Variants in KCNG3 observed in about 807,000 individuals in gnomAD.
KCNG3 encodes the protein voltage-gated potassium channel regulatory subunit KCNG3.
In KCNG3, 15 loss-of-function variants were observed where a neutral mutation model predicts 29.0. The observed-to-expected ratio is 0.52, with a 90% CI of 0.35 to 0.80. The LOEUF (loss-of-function observed/expected upper bound fraction) is 0.80, where lower values mean the gene tolerates loss of function less well. Ranked by LOEUF, KCNG3 falls within the 30% of genes least tolerant of loss-of-function variation. The probability of loss-of-function intolerance (pLI) is 0.01; values close to 1 mark genes in which losing one functional copy is unlikely to be tolerated. For synonymous variants in KCNG3, 322 were observed against 248.9 expected, an observed-to-expected ratio of 1.29 and a Z score of -2.76; for missense variants, 512 against 605.7, an observed-to-expected ratio of 0.85 and a Z score of 1.62.
chr2:42,433,033 ACAAC>A, the KCNG3 span, among the ~76,000 whole-genome samples: 3 of 152,104 alleles, frequency 2.0e-5, no homozygotes, highest in African/African-American at 7.2e-5. Context: ...GGAAAAACCC[ACAAC>A]TAACATCATA....
intron 1 of KCNG3, among the ~76,000 whole-genome samples, chr2:42,446,864 G>C (rs1189833406): frequency 1.3e-5 from 2 of 152,048 alleles, no homozygotes; most frequent in Non-Finnish European, 2.9e-5. Flanking sequence ...TCTCAGGCCA[G>C]GCATGGTGGC....
At chr2:42,465,908 C>G (rs1233974744) in intron 1 of KCNG3, among the ~76,000 whole-genome samples, 1 of 152,168 alleles carries the variant, frequency 6.6e-6, no homozygotes, top group African/African-American at 2.4e-5. Flanking sequence ...ATTAACACCA[C>G]AATGAGACAT....
At chr2:42,404,109 G>C in the KCNG3 span, among the ~76,000 whole-genome samples, 2 of 152,162 alleles carry the variant, frequency 1.3e-5, no homozygotes, top group East Asian at 3.8e-4. Context: ...AGTAACCTTT[G>C]CATGGGCATT....
chr2:42,406,682 C>G, the KCNG3 span, among the ~76,000 whole-genome samples: 3 of 151,262 alleles, frequency 2.0e-5, no homozygotes, highest in African/African-American at 7.3e-5. Context: ...AAAAAATAAG[C>G]CAGGTATGGT....
chr2:42,472,622 C>T (rs1673316477), intron 1 of KCNG3, among the ~76,000 whole-genome samples: 1 of 151,662 alleles, frequency 6.6e-6, no homozygotes, highest in Admixed American at 6.6e-5. Context: ...CCTCAGCCTC[C>T]CCAGTAGCTG....
chr2:42,491,284 C>G (rs1264882499), intron 1 of KCNG3, among the ~76,000 whole-genome samples: 1 of 151,970 alleles, frequency 6.6e-6, no homozygotes, highest in Non-Finnish European at 1.5e-5. Context: ...TGGCCCTTTC[C>G]CTCTCCCAAA....
the KCNG3 span, among the ~76,000 whole-genome samples, chr2:42,408,649 A>G: frequency 1.3e-5 from 2 of 152,158 alleles, no homozygotes; most frequent in African/African-American, 2.4e-5. Context: ...CTAGTGCTCA[A>G]TAAAGCTCCT....
downstream of KCNG3, among the ~76,000 whole-genome samples, chr2:42,441,802 GTA>G (rs1672492396): frequency 7.2e-5 from 1 of 13,936 alleles, no homozygotes. Flanking sequence ...AGGTGTGTGT[GTA>G]TATATATACC....
the KCNG3 span, among the ~76,000 whole-genome samples, chr2:42,424,295 G>A: frequency 6.6e-6 from 1 of 152,106 alleles, no homozygotes; most frequent in African/African-American, 2.4e-5. Flanking sequence ...AAAATGAGGT[G>A]CTCTGACAAC....
chr2:42,416,493 G>C, the KCNG3 span, among the ~76,000 whole-genome samples: 213 of 152,094 alleles, frequency 1.4e-3, 1 homozygote, highest in Non-Finnish European at 1.0e-4. Flanking sequence ...CAATGGCAAA[G>C]ACAAAATAAC....
chr2:42,458,281 C>A (rs1672928454), intron 1 of KCNG3, among the ~76,000 whole-genome samples: 1 of 152,174 alleles, frequency 6.6e-6, no homozygotes, highest in Non-Finnish European at 1.5e-5. Flanking sequence ...TCTTTTCCTG[C>A]AATCACCTCC....
chr2:42,475,319 G>A (rs1673396286), intron 1 of KCNG3, among the ~76,000 whole-genome samples: 1 of 126,556 alleles, frequency 7.9e-6, no homozygotes, highest in Non-Finnish European at 1.6e-5. Flanking sequence ...ACAAGCCTCT[G>A]TCTCTTTTTT....
the KCNG3 span, among the ~76,000 whole-genome samples, chr2:42,423,782 A>C: frequency 1.3e-5 from 2 of 150,190 alleles, no homozygotes; most frequent in East Asian, 1.9e-4. Context: ...AGAGCCTCGC[A>C]CAGTCGGAAA....
At chr2:42,450,973 G>A (rs1672735089) in intron 1 of KCNG3, among the ~76,000 whole-genome samples, 1 of 151,922 alleles carries the variant, frequency 6.6e-6, no homozygotes, top group Admixed American at 6.6e-5. Flanking sequence ...GGGAGGCCAA[G>A]GCAGGTGGAT....
the KCNG3 span, among the ~76,000 whole-genome samples, chr2:42,410,722 T>A: frequency 6.6e-6 from 1 of 152,142 alleles, no homozygotes; most frequent in Non-Finnish European, 1.5e-5. Context: ...TAAGCTTTTA[T>A]ATAAATTAGG....
At chr2:42,434,776 A>C in the KCNG3 span, among the ~76,000 whole-genome samples, 1 of 152,044 alleles carries the variant, frequency 6.6e-6, no homozygotes, top group Non-Finnish European at 1.5e-5. Context: ...CAACACATAG[A>C]TCACTAGAAT....
At chr2:42,478,651 G>T (rs1673502155) in intron 1 of KCNG3, among the ~76,000 whole-genome samples, 1 of 152,050 alleles carries the variant, frequency 6.6e-6, no homozygotes, top group African/African-American at 2.4e-5. Context: ...GCCCTTCTGG[G>T]ACACCCCAGG....
the KCNG3 span, among the ~76,000 whole-genome samples, chr2:42,426,911 T>C: frequency 6.6e-6 from 1 of 152,194 alleles, no homozygotes; most frequent in Non-Finnish European, 1.5e-5. Flanking sequence ...TTTTATCAAA[T>C]GACAGTATCA....
chr2:42,397,919 T>C, the KCNG3 span, among the ~76,000 whole-genome samples: 2 of 152,052 alleles, frequency 1.3e-5, no homozygotes, highest in Non-Finnish European at 2.9e-5. Flanking sequence ...CAGGCAGACA[T>C]TGTCTTTAAA....
Sources: allele counts gnomAD v4.1 joint callset (sites outside exome capture counted in the v4.1 genomes callset), GRCh38; gene constraint gnomAD v4.1.1; transcripts MANE v1.5; gene names NCBI Gene and HGNC (gene_info 2026-07-23, HGNC 2026-07-21).